Variants in KIAA1549 observed in about 807,000 individuals in gnomAD.
KIAA1549 encodes KIAA1549, also known as UPF0606 protein KIAA1549.
KIAA1549 carries 70 observed loss-of-function variants against 156.4 expected under a neutral mutation model. The ratio of observed to expected loss-of-function variants is 0.45; its 90% confidence interval spans 0.37 to 0.55. KIAA1549 has a LOEUF of 0.55. Ranked by LOEUF, KIAA1549 falls within the 20% of genes least tolerant of loss-of-function variation. The pLI is 0.00. For synonymous variants in KIAA1549, 1,103 were observed against 1,066.4 expected, an observed-to-expected ratio of 1.03 and a Z score of -0.67; for missense variants, 2,428 against 2,540.9, an observed-to-expected ratio of 0.96 and a Z score of 0.96.
intron 12 of KIAA1549, among the ~76,000 whole-genome samples, chr7:138,876,804 A>G (rs1411264964): frequency 6.6e-6 from 1 of 152,218 alleles, no homozygotes; most frequent in Admixed American, 6.5e-5. Context: ...ATAGCTGGGA[A>G]CACAGTGACA....
At chr7:138,870,051 A>C (rs929988360) in intron 13 of KIAA1549, among the ~76,000 whole-genome samples, 2 of 151,852 alleles carry the variant, frequency 1.3e-5, no homozygotes, top group Non-Finnish European at 2.9e-5. Flanking sequence ...GGGTTTCTCT[A>C]TGTTGGCCAG....
At chr7:138,853,679 G>A (rs1379999459) in intron 16 of KIAA1549, among the ~76,000 whole-genome samples, 1 of 152,130 alleles carries the variant, frequency 6.6e-6, no homozygotes, top group African/African-American at 2.4e-5. Flanking sequence ...TGGCTGTCAT[G>A]TGGAACCTTG....
At position 138,833,662 on chromosome 7, in the gene KIAA1549, T is replaced by C. The variant is rs78769373; in HGVS notation, c.*4244A>G. 8.9e-3 allele frequency: 2,059 copies of C among 231,550 alleles called. 44 individuals carry two copies. The highest frequency in any genetic ancestry group is 0.042 in the African/African-American group (1,862 of 44,624). 14.3% of individuals were successfully genotyped at this position (231,550 alleles called of 1,614,324 possible). On this transcript the variant is annotated 3_prime_UTR_variant, in exon 20 of 20. Coordinates refer to ENST00000422774, the MANE Select transcript of KIAA1549 (RefSeq NM_001164665.2). ...GAAGCTGAATATATATATAGATAGA[T>C]AGACAGATACATAGACAGACAGACA...
intron 1 of KIAA1549, among the ~76,000 whole-genome samples, chr7:138,935,359 T>C (rs780260489): frequency 6.6e-6 from 1 of 152,218 alleles, no homozygotes; most frequent in Non-Finnish European, 1.5e-5. Flanking sequence ...TGTTTTGCTT[T>C]GTTTTGCTTT....
intron 15 of KIAA1549, among the ~76,000 whole-genome samples, chr7:138,864,477 G>A (rs1467360507): frequency 6.6e-6 from 1 of 152,170 alleles, no homozygotes; most frequent in African/African-American, 2.4e-5. Context: ...TTGCAGGCGA[G>A]ACTATCAGAA....
intron 1 of KIAA1549, among the ~76,000 whole-genome samples, chr7:138,949,159 C>T (rs2774969): frequency 0.48 from 73,163 of 152,072 alleles, 22,119 homozygotes; most frequent in African/African-American, 0.87. Context: ...TTTGAGACAT[C>T]TGTCTACCAA....
At chr7:138,877,240 T>A (rs1362578104) in intron 12 of KIAA1549, among the ~76,000 whole-genome samples, 1 of 152,228 alleles carries the variant, frequency 6.6e-6, no homozygotes, top group Non-Finnish European at 1.5e-5. Context: ...ACGCCTGTAA[T>A]CCCAGCACTT....
intron 1 of KIAA1549, among the ~76,000 whole-genome samples, chr7:138,958,430 G>C (rs564304534): frequency 6.6e-6 from 1 of 152,336 alleles, no homozygotes; most frequent in Admixed American, 6.5e-5. Flanking sequence ...ATGCCCTAAA[G>C]GAACAGTCTT....
intron 1 of KIAA1549, among the ~76,000 whole-genome samples, chr7:138,949,142 A>G (rs1420554249): frequency 6.6e-6 from 1 of 152,198 alleles, no homozygotes. Flanking sequence ...ACTCTCGAAA[A>G]AATCGTTTTG....
intron 1 of KIAA1549, among the ~76,000 whole-genome samples, chr7:138,926,860 C>T (rs977390993): frequency 1.3e-5 from 2 of 151,848 alleles, no homozygotes; most frequent in African/African-American, 2.4e-5. Flanking sequence ...ACTTGAGTAC[C>T]GATCACCCAG....
chr7:138,943,339 T>G (rs1459323090), intron 1 of KIAA1549, among the ~76,000 whole-genome samples: 1 of 152,216 alleles, frequency 6.6e-6, no homozygotes, highest in African/African-American at 2.4e-5. Flanking sequence ...ACTAGAGCCC[T>G]GGGCTGTCTG....
intron 1 of KIAA1549, among the ~76,000 whole-genome samples, chr7:138,931,752 CAAAAAAA>C (rs71169066): frequency 0.018 from 1,839 of 101,450 alleles, 33 homozygotes; most frequent in East Asian, 0.13. Context: ...AGTCCCATCT[CAAAAAAA>C]AAAAAAAAAA....
At chr7:138,962,189 CTGACA>C (rs1813874317) in intron 1 of KIAA1549, among the ~76,000 whole-genome samples, 1 of 152,222 alleles carries the variant, frequency 6.6e-6, no homozygotes, top group African/African-American at 2.4e-5. Flanking sequence ...AGAAGAATGC[CTGACA>C]TAAGTGCACA....
Position 138,835,820 on chromosome 7 carries a change from T to A in KIAA1549, c.*2086A>T, listed in dbSNP as rs994420468. 2 of 221,680 alleles carry A rather than the reference T, an allele frequency of 9.0e-6. No individual in the cohort carries two copies. Among genetic ancestry groups the A allele is most frequent in the African/African-American group, 2.2e-5 (1 of 44,688 alleles). 13.7% of individuals were successfully genotyped at this position (221,680 alleles called of 1,614,324 possible). Reference sequence around the variant, plus strand: ...GCCCAGAAAGGGGCATTCTCTCCAATGCTCCTTGGAGCCTCTGAGGATCGC... The same window carrying A: ...GCCCAGAAAGGGGCATTCTCTCCAAAGCTCCTTGGAGCCTCTGAGGATCGC... On this transcript the variant is annotated 3_prime_UTR_variant, in exon 20 of 20. Transcript: ENST00000422774.
Position 138,917,181 on chromosome 7 carries a change from G to A in KIAA1549, c.2445C>T (p.Ile815=). 6.2e-7 allele frequency: 1 copy of A among 1,613,986 alleles called. No individual in the cohort carries two copies. Among genetic ancestry groups the A allele is most frequent in the African/African-American group, 1.3e-5 (1 of 75,052 alleles). ...CAGACACGTGACCGTCTAGAGCACTGATTTGGTCGTCAGGAGGTGTCAGAG... is the reference window on the plus strand; with the variant it reads ...CAGACACGTGACCGTCTAGAGCACTAATTTGGTCGTCAGGAGGTGTCAGAG... ...FSTLTPPDDQ[I]SALDGHVSVL... Residue 815 remains isoleucine, a synonymous_variant, in exon 2 of 20, where the codon ATC becomes ATT. Transcript: ENST00000422774.
At chr7:138,980,927 T>G (rs1239930635) in intron 1 of KIAA1549, among the ~76,000 whole-genome samples, 156 bp downstream of exon 1, 1 of 152,194 alleles carries the variant, frequency 6.6e-6, no homozygotes, top group Non-Finnish European at 1.5e-5. Flanking sequence ...CTTTATTTGT[T>G]GGGCCCCAGA....
intron 9 of KIAA1549, among the ~76,000 whole-genome samples, chr7:138,896,191 G>A (rs57780122): frequency 6.6e-6 from 1 of 152,176 alleles, no homozygotes; most frequent in South Asian, 2.1e-4. Flanking sequence ...AAACATCTTA[G>A]TTTTCATGGG....
chr7:138,981,141 C>T lies in KIAA1549; in HGVS notation c.129G>A (p.Gly43=), dbSNP rs1488120521. ...SARCARRRRP[G]LLLPGLWLLL... Reference sequence around the variant, plus strand: ...GCAGCCAGAGGCCAGGAAGCAGCAGCCCCGGGCGGCGGCGGCGGGCGCAGC... The same window carrying T: ...GCAGCCAGAGGCCAGGAAGCAGCAGTCCCGGGCGGCGGCGGCGGGCGCAGC... The change falls in exon 1 of 20, where the codon GGG becomes GGA. Residue 43 remains glycine, a synonymous_variant. Coordinates refer to ENST00000422774, the MANE Select transcript of KIAA1549 (RefSeq NM_001164665.2). The surrounding 1 kb of genome is among the most constrained non-coding windows in gnomAD (Gnocchi z 4.5). 3.3e-6 allele frequency: 4 copies of T among 1,211,928 alleles called. No individual in the cohort carries two copies. Among genetic ancestry groups the T allele is most frequent in the East Asian group, 3.3e-5 (1 of 30,570 alleles). The allele number at this position is 1,211,928 out of a possible 1,614,324, so 75.1% of individuals were successfully genotyped here.
chr7:138,932,383 T>G (rs1280654282), intron 1 of KIAA1549, among the ~76,000 whole-genome samples: 1 of 151,008 alleles, frequency 6.6e-6, no homozygotes, highest in African/African-American at 2.5e-5. Context: ...AAAGACAGCA[T>G]GTCTGGAAAG....
Sources: allele counts gnomAD v4.1 joint callset (sites outside exome capture counted in the v4.1 genomes callset), GRCh38; gene constraint gnomAD v4.1.1; non-coding constraint Gnocchi (gnomAD v3.1); transcripts MANE v1.5; gene names NCBI Gene and HGNC (gene_info 2026-07-23, HGNC 2026-07-21).